The following GPM6A variants were observed in gnomAD, a reference collection of about 807,000 sequenced individuals.
The protein encoded by GPM6A is glycoprotein M6A.
GPM6A carries 7 observed loss-of-function variants against 32.1 expected under a neutral mutation model. The observed-to-expected ratio is 0.22, with a 90% CI of 0.12 to 0.41. The LOEUF (loss-of-function observed/expected upper bound fraction) is 0.41, where lower values mean the gene tolerates loss of function less well. Among genes scored for constraint, GPM6A ranks in the 10% least tolerant of loss-of-function variants. GPM6A has a pLI of 1.00. For missense variants in GPM6A, 235 were observed against 347.2 expected (o/e 0.68, Z 2.57); for synonymous variants, 130 against 123.4 (o/e 1.05, Z -0.35).
At chr4:175,889,260 T>A (rs1737556371) in intron 1 of GPM6A, among the ~76,000 whole-genome samples, 2 of 152,132 alleles carry the variant, frequency 1.3e-5, no homozygotes, top group African/African-American at 2.4e-5. Context: ...ACAAACAATT[T>A]TTTTAAGACT....
At chr4:175,650,471 A>T (rs1167865852) in intron 4 of GPM6A, among the ~76,000 whole-genome samples, 2 of 151,916 alleles carry the variant, frequency 1.3e-5, no homozygotes, top group East Asian at 3.9e-4. Flanking sequence ...TGCCTGGCTA[A>T]TTTTTTAATT....
intron 1 of GPM6A, among the ~76,000 whole-genome samples, chr4:175,986,503 A>G (rs1740979688): frequency 6.6e-6 from 1 of 152,136 alleles, no homozygotes. Flanking sequence ...GTGAGCTAGT[A>G]TTGTGCCACT....
chr4:175,639,760 TATGG>T (rs1741028194), intron 6 of GPM6A, among the ~76,000 whole-genome samples: 1 of 152,094 alleles, frequency 6.6e-6, no homozygotes, highest in Non-Finnish European at 1.5e-5. Context: ...AATGACTCTA[TATGG>T]CTTTTTAATG....
intron 1 of GPM6A, among the ~76,000 whole-genome samples, chr4:175,871,195 G>T (rs557552099): frequency 1.3e-5 from 2 of 152,020 alleles, no homozygotes; most frequent in Non-Finnish European, 2.9e-5. Context: ...TCTGCCAGGC[G>T]CAGTGGCTCA....
intron 1 of GPM6A, among the ~76,000 whole-genome samples, chr4:175,924,637 C>T (rs899326267): frequency 5.3e-5 from 8 of 151,932 alleles, no homozygotes; most frequent in East Asian, 1.9e-4. Flanking sequence ...GTCAGGGGTT[C>T]GAGACCAGCC....
intron 1 of GPM6A, among the ~76,000 whole-genome samples, chr4:175,985,397 A>C (rs1740943311): frequency 6.6e-6 from 1 of 152,208 alleles, no homozygotes; most frequent in Non-Finnish European, 1.5e-5. Flanking sequence ...TGAGATACTG[A>C]AATGCTCTTG....
At chr4:175,874,740 T>C (rs2877907) in intron 1 of GPM6A, among the ~76,000 whole-genome samples, 15,561 of 151,966 alleles carry the variant, frequency 0.1, 963 homozygotes, top group African/African-American at 0.17. Flanking sequence ...GAAAGGTAGA[T>C]GGCACCGAGA....
chr4:175,988,616 T>C (rs1057412272), intron 1 of GPM6A, among the ~76,000 whole-genome samples: 2 of 152,192 alleles, frequency 1.3e-5, no homozygotes, highest in African/African-American at 4.8e-5. Context: ...TTTCAGTCCT[T>C]AGCTTTACTT....
Position 175,634,658 on chromosome 4 carries a change from T to G in GPM6A, c.*247A>C. On this transcript the variant is annotated 3_prime_UTR_variant, in exon 7 of 7. Transcript: ENST00000393658. ...TCTTTGATTTTACAGAACTAGTAAA[T>G]GAGTTTGAGAAATTTCAAAAAAAAG... is the stretch of plus-strand genomic sequence containing the variant. 2.4e-6 allele frequency: 1 copy of G among 409,176 alleles called. No homozygotes were observed. Among genetic ancestry groups the G allele is most frequent in the South Asian group, 4.2e-5 (1 of 23,684 alleles). The allele number at this position is 409,176 out of a possible 1,614,324, so 25.3% of individuals were successfully genotyped here.
chr4:175,887,510 A>T (rs1737498100), intron 1 of GPM6A, among the ~76,000 whole-genome samples: 2 of 151,860 alleles, frequency 1.3e-5, no homozygotes, highest in Admixed American at 1.3e-4. Context: ...AACAAAATAC[A>T]AGGAAAAACA....
At chr4:175,805,509 T>A (rs1366418834) in intron 1 of GPM6A, among the ~76,000 whole-genome samples, 1 of 152,230 alleles carries the variant, frequency 6.6e-6, no homozygotes, top group Admixed American at 6.5e-5. Context: ...CTCTTTTATG[T>A]TTCTAGCATC....
intron 1 of GPM6A, among the ~76,000 whole-genome samples, chr4:175,829,938 A>G (rs1162917229): frequency 1.3e-5 from 2 of 152,102 alleles, no homozygotes; most frequent in Non-Finnish European, 2.9e-5. Context: ...TCAATTTCTT[A>G]TAATTGCCGT....
chr4:175,925,480 T>A (rs1738804871), intron 1 of GPM6A, among the ~76,000 whole-genome samples: 1 of 152,218 alleles, frequency 6.6e-6, no homozygotes, highest in African/African-American at 2.4e-5. Context: ...ATTTGAATTT[T>A]AAATCTAATT....
At chr4:175,813,078 T>C, upstream of GPM6A, 1 of 983,842 alleles carries the variant, frequency 1.0e-6, no homozygotes, top group Non-Finnish European at 1.2e-6. Context: ...GACTCTTAAG[T>C]AAAAGGGAGA....
chr4:175,880,579 G>A (rs914925377), intron 1 of GPM6A, among the ~76,000 whole-genome samples: 1 of 152,164 alleles, frequency 6.6e-6, no homozygotes, highest in Non-Finnish European at 1.5e-5. Context: ...GTGGTTTGCA[G>A]TTCTCCTGGA....
chr4:175,859,955 CA>C (rs2111418007), intron 1 of GPM6A, among the ~76,000 whole-genome samples: 1 of 151,904 alleles, frequency 6.6e-6, no homozygotes, highest in Non-Finnish European at 1.5e-5. Flanking sequence ...ACACATGGGT[CA>C]AAAATGACAT....
At chr4:175,769,154 C>A (rs924541727) in intron 1 of GPM6A, among the ~76,000 whole-genome samples, 1 of 152,084 alleles carries the variant, frequency 6.6e-6, no homozygotes, top group Admixed American at 6.6e-5. Flanking sequence ...TCTATTTTCA[C>A]CCTCAATAAT....
At chr4:175,688,171 C>A (rs77523357) in intron 2 of GPM6A, among the ~76,000 whole-genome samples, 7,171 of 152,116 alleles carry the variant, frequency 0.047, 199 homozygotes, top group Non-Finnish European at 0.063. Flanking sequence ...TTGACTGTTT[C>A]CTTTTCTGCA....
chr4:175,684,951 C>T (rs566691969), intron 2 of GPM6A, among the ~76,000 whole-genome samples: 12 of 151,964 alleles, frequency 7.9e-5, no homozygotes, highest in South Asian at 4.2e-4. Context: ...TACAGTGGTG[C>T]GATCTCGGCT....
Sources: allele counts gnomAD v4.1 joint callset (sites outside exome capture counted in the v4.1 genomes callset), GRCh38; gene constraint gnomAD v4.1.1; transcripts MANE v1.5; gene names NCBI Gene and HGNC (gene_info 2026-07-23, HGNC 2026-07-21).